Variants in NTRK1 observed in about 807,000 individuals in gnomAD.
NTRK1 encodes the protein high affinity nerve growth factor receptor.
Under a neutral mutation model 86.8 loss-of-function variants are expected in NTRK1, and 62 were observed. The ratio of observed to expected loss-of-function variants is 0.71; its 90% CI spans 0.58 to 0.88. NTRK1 has a LOEUF of 0.88. Ranked by LOEUF, NTRK1 falls within the 40% of genes least tolerant of loss-of-function variation. The pLI is 0.00. For missense variants in NTRK1, 967 were observed against 1,078.4 expected (o/e 0.90, Z 1.45); for synonymous variants, 469 against 456.6 (o/e 1.03, Z -0.35).
At chr1:156,876,593 C>A (rs763250604) in intron 14 of NTRK1, 21 bp downstream of exon 14, 2 of 1,601,608 alleles carry the variant, frequency 1.2e-6, no homozygotes, top group South Asian at 2.2e-5. Flanking sequence ...CTGGCCTCAG[C>A]GCTGGCCCCG....
intron 1 of NTRK1, among the ~76,000 whole-genome samples, chr1:156,821,914 A>T (rs1654201667): frequency 6.6e-6 from 1 of 152,194 alleles, no homozygotes; most frequent in Admixed American, 6.5e-5. Context: ...TTGGGAAGCC[A>T]GATGCCATGG....
intron 1 of NTRK1, among the ~76,000 whole-genome samples, chr1:156,832,462 T>G (rs1247800157): frequency 6.6e-6 from 1 of 152,076 alleles, no homozygotes; most frequent in Non-Finnish European, 1.5e-5. Flanking sequence ...GAGAAATCAG[T>G]AAGGGCTTCA....
At chr1:156,824,678 A>G (rs1654275276) in intron 1 of NTRK1, among the ~76,000 whole-genome samples, 1 of 152,190 alleles carries the variant, frequency 6.6e-6, no homozygotes, top group Non-Finnish European at 1.5e-5. Context: ...TTCAGAGTGT[A>G]ATTCTTTGTC....
rs1242794834 is a variant in NTRK1 at position 156,879,421 on chromosome 1, C to G, written c.2046+59C>G. On this transcript the variant is annotated intron_variant, in intron 15 of 16. Transcript: ENST00000524377. ...CATCCAAACTGTAGACACCCTGGAT[C>G]CCAAGACCACTGAGAGCCTGCCCTT... 6 of 1,553,686 alleles carry G rather than the reference C, an allele frequency of 3.9e-6. No homozygotes were observed. In the Admixed American group the frequency reaches 1.0e-4, roughly 27 times the overall value.
At chr1:156,851,871 A>C (rs749125949) in intron 2 of NTRK1, 3 of 1,572,670 alleles carry the variant, frequency 1.9e-6, no homozygotes, top group Non-Finnish European at 2.6e-6. Flanking sequence ...GGTGCCCCCC[A>C]CCCTCCCTAC....
In NTRK1 at chr1:156,881,249, T is replaced by G. The variant is rs2768758; in HGVS notation, c.2206-208T>G. Among the ~76,000 whole-genome samples the G allele has an allele frequency of 0.98, 149,213 of 152,300 alleles. 73,195 individuals are homozygous for G. The highest frequency in any genetic ancestry group is 1 in the Middle Eastern group (294 of 294). On this transcript the variant is annotated intron_variant, in intron 16 of 16. Transcript: ENST00000524377. ...ATCCTACCCCAGCCCAAGCTTCCCA[T>G]AGTCGAGCCTTAATCCTTCTCACTT... is the stretch of plus-strand genomic sequence containing the variant.
Position 156,873,873 on chromosome 1 carries a change from C to T in NTRK1, c.1091C>T (p.Ala364Val), listed in dbSNP as rs1647726185. Reference sequence around the variant, plus strand: ...AACGGCAACTACACGCTGCTGGCTGCCAACCCCTTCGGCCAGGCCTCCGCC... The same window carrying T: ...AACGGCAACTACACGCTGCTGGCTGTCAACCCCTTCGGCCAGGCCTCCGCC... ...VNNGNYTLLA[A>V]NPFGQASASI... Residue 364 changes from alanine (A) to valine (V), a missense_variant, in exon 8 of 17, where the codon GCC (alanine) becomes GTC (valine). By Grantham distance (64) the Ala-to-Val change is moderately conservative (BLOSUM62 0). Coordinates refer to ENST00000524377, the MANE Select transcript of NTRK1 (RefSeq NM_002529.4). 4 of 1,595,888 alleles carry T rather than the reference C, an allele frequency of 2.5e-6. No homozygotes were observed. Among genetic ancestry groups the T allele is most frequent in the Admixed American group, 1.7e-5 (1 of 57,786 alleles).
Position 156,861,302 on chromosome 1 carries a change from C to T in NTRK1, c.212+156C>T, listed in dbSNP as rs189918940. Reference sequence around the variant, plus strand: ...TCGGCGCTGCCCGGGCGTTCCTCCGCAGCCGCCGCTGCCCTAGCAAGCTTT... The same window carrying T: ...TCGGCGCTGCCCGGGCGTTCCTCCGTAGCCGCCGCTGCCCTAGCAAGCTTT... On this transcript the variant is annotated intron_variant, in intron 1 of 16. Coordinates refer to ENST00000524377, the MANE Select transcript of NTRK1 (RefSeq NM_002529.4). 0.019 allele frequency among the ~76,000 whole-genome samples: 2,862 copies of T among 152,334 alleles called. 78 individuals carry two copies. The highest frequency in any genetic ancestry group is 0.064 in the African/African-American group (2,666 of 41,554).
intron 1 of NTRK1, among the ~76,000 whole-genome samples, chr1:156,824,869 C>CAGCCTGAACGGCGGT: frequency 6.6e-6 from 1 of 152,268 alleles, no homozygotes; most frequent in South Asian, 2.1e-4. Context: ...GCTTGTGCCA[C>CAGCCTGAACGGCGGT]AGCCTGAACG....
rs373571126 is a variant in NTRK1, at chr1:156,821,928, A to G, written c.-64+6090A>G. Among the ~76,000 whole-genome samples the G allele has an allele frequency of 1.3e-4, 20 of 152,234 alleles. No homozygotes were observed. In the East Asian group the frequency reaches 2.9e-3, roughly 22 times the overall value. ...CTTGGGAAGCCAGATGCCATGGCCCATGTGTGATGTTTGATTTTAATCAGA... is the reference window on the plus strand; with the variant it reads ...CTTGGGAAGCCAGATGCCATGGCCCGTGTGTGATGTTTGATTTTAATCAGA... On this transcript the variant is annotated intron_variant, in intron 1 of 16. Transcript: ENST00000392302.
rs2102930589 is a variant in NTRK1, at chr1:156,881,470, T to A, written c.2219T>A (p.Ile740Asn). The change falls in exon 17 of 17, where the codon ATC (isoleucine) becomes AAC (asparagine). Residue 740 changes from isoleucine to asparagine, a missense_variant. Ile to Asn is a moderately radical substitution (Grantham distance 149, BLOSUM62 -3). Around this residue, in one of 2 missense-constraint regions of NTRK1, gnomAD observed 637 missense variants for 776.5 expected, o/e 0.82. Coordinates refer to ENST00000524377, the MANE Select transcript of NTRK1 (RefSeq NM_002529.4). ...QLSNTEAIDC[I>N]TQGRELERPR... is the part of the protein sequence containing the mutation. The stretch of plus-strand genomic sequence containing the variant: ...CGGTGGCCCCAGGCAATCGACTGCA[T>A]CACGCAGGGACGTGAGTTGGAGCGG... 6.4e-7 allele frequency: 1 copy of A among 1,574,008 alleles called. No homozygotes were observed. The highest frequency in any genetic ancestry group is 8.6e-7 in the Non-Finnish European group (1 of 1,159,694).
At chr1:156,867,346 T>TG (rs571569088) in intron 4 of NTRK1, among the ~76,000 whole-genome samples, 1 of 152,232 alleles carries the variant, frequency 6.6e-6, no homozygotes, top group Non-Finnish European at 1.5e-5. Flanking sequence ...TGGGTCACTC[T>TG]GGGGGGCTGT....
chr1:156,841,868 C>G, intron 1 of NTRK1: 2 of 1,609,364 alleles, frequency 1.2e-6, no homozygotes, highest in South Asian at 2.2e-5. Context: ...CCTGGGATAC[C>G]TCTCCCAATC....
At chr1:156,844,180 C>G (rs758328689) in intron 2 of NTRK1, 5 of 1,612,932 alleles carry the variant, frequency 3.1e-6, no homozygotes, top group Non-Finnish European at 4.2e-6. Context: ...ATCACCTCTT[C>G]TTGCCGTAGA....
rs1647912988 is a variant in NTRK1, at chr1:156,876,410, A to G, written c.1643A>G (p.Glu548Gly). Reference sequence around the variant, plus strand: ...GCCGCTTCCATCCAGGCACTGAAGGAGGCGTCCGAGAGTGCTCGGCAGGAC... The same window carrying G: ...GCCGCTTCCATCCAGGCACTGAAGGGGGCGTCCGAGAGTGCTCGGCAGGAC... ...KMLVAVKALK[E>G]ASESARQDFQ... is the part of the protein sequence containing the mutation. Residue 548 changes from glutamate to glycine, a missense_variant, in exon 14 of 17, where the codon GAG becomes GGG. By Grantham distance (98) the Glu-to-Gly change is moderately conservative. This residue lies in a region of NTRK1 where 637 missense variants were observed against 776.5 expected (regional missense o/e 0.82). Coordinates refer to ENST00000524377, the MANE Select transcript of NTRK1 (RefSeq NM_002529.4). 1.2e-6 allele frequency: 2 copies of G among 1,613,778 alleles called. No homozygotes were observed. The highest frequency in any genetic ancestry group is 3.3e-4 in the Middle Eastern group (2 of 6,056).
chr1:156,879,445 T>C, intron 15 of NTRK1, 83 bp downstream of exon 15: 1 of 1,506,750 alleles, frequency 6.6e-7, no homozygotes, highest in Non-Finnish European at 8.9e-7. Flanking sequence ...GAGCCTGCCC[T>C]TGCTAGGATG....
chr1:156,851,956 G>A (rs1390977266), intron 2 of NTRK1: 3 of 1,606,994 alleles, frequency 1.9e-6, no homozygotes, highest in Admixed American at 3.3e-5. Context: ...TGCCGAAGGT[G>A]GAGGCACGGC....
rs763226014 is a variant in NTRK1, at chr1:156,815,807, G to T, written c.-95G>T. 1.9e-6 allele frequency: 3 copies of T among 1,614,126 alleles called. No homozygotes were observed. In the East Asian group the frequency reaches 6.7e-5, roughly 36 times the overall value. On this transcript the variant is annotated 5_prime_UTR_variant, in exon 1 of 17. Transcript: ENST00000392302. ...TTCCAGAGGGCCTAGGAGCAGTAAGGGAGTGAGTGGGCAACTCGGCGCATG... is the reference window on the plus strand; with the variant it reads ...TTCCAGAGGGCCTAGGAGCAGTAAGTGAGTGAGTGGGCAACTCGGCGCATG...
intron 1 of NTRK1, among the ~76,000 whole-genome samples, chr1:156,824,104 G>C (rs1459953573): frequency 6.6e-6 from 1 of 152,192 alleles, no homozygotes; most frequent in Non-Finnish European, 1.5e-5. Context: ...CTTTTCTCCA[G>C]TCTTTTCATT....
Sources: gnomAD v4.1 joint callset for allele counts (sites outside exome capture counted in the v4.1 genomes callset) on GRCh38, gnomAD v4.1.1 for gene constraint, gnomAD v4.1.1 regional missense constraint, MANE v1.5 for transcripts, NCBI Gene and HGNC (gene_info 2026-07-23, HGNC 2026-07-21) for gene names.